The following NFATC1 variants were observed in gnomAD, a reference collection of about 807,000 sequenced individuals.
NFATC1 encodes nuclear factor of activated T cells 1.
NFATC1 carries 22 observed loss-of-function variants against 76.0 expected under a neutral mutation model. The ratio of observed to expected loss-of-function variants is 0.29; its 90% confidence interval spans 0.21 to 0.41. The LOEUF (loss-of-function observed/expected upper bound fraction) is 0.41. Ranked by LOEUF, NFATC1 falls within the 10% of genes least tolerant of loss-of-function variation. NFATC1 has a pLI of 1.00. For synonymous variants in NFATC1, 704 were observed against 613.1 expected, an observed-to-expected ratio of 1.15 and a Z score of -2.19; for missense variants, 1,357 against 1,337.7, an observed-to-expected ratio of 1.01 and a Z score of -0.23.
intron 9 of NFATC1, among the ~76,000 whole-genome samples, chr18:79,512,925 G>A (rs761408393): frequency 6.6e-6 from 1 of 152,218 alleles, no homozygotes; most frequent in Non-Finnish European, 1.5e-5. Context: ...CGTCCTGACC[G>A]TAGGTCCGCA....
chr18:79,398,164 T>C lies in NFATC1; in HGVS notation c.127+1813T>C, dbSNP rs2085067502. Among the ~76,000 whole-genome samples, 4 of 152,312 alleles carry C rather than the reference T, an allele frequency of 2.6e-5. No homozygotes were observed. In the East Asian group the frequency reaches 7.7e-4, roughly 29 times the overall value. ...CTGGGTGGAAGCTCATTAGGCGTCG[T>C]GGTTCCTGAAGGCCCCGGGCTTGCT... On this transcript the variant is annotated intron_variant, in intron 1 of 9. Coordinates refer to ENST00000427363, the MANE Select transcript of NFATC1 (RefSeq NM_001278669.2).
At chr18:79,441,351 A>T (rs1030738238) in intron 3 of NFATC1, among the ~76,000 whole-genome samples, 3 of 151,442 alleles carry the variant, frequency 2.0e-5, no homozygotes, top group Non-Finnish European at 1.5e-5. Context: ...GGAGGTGCAC[A>T]TGGCTGCTGG....
intron 9 of NFATC1, among the ~76,000 whole-genome samples, chr18:79,500,534 G>A (rs1431708741): frequency 6.6e-6 from 1 of 151,902 alleles, no homozygotes; most frequent in Non-Finnish European, 1.5e-5. Flanking sequence ...GAAATGCTGA[G>A]GATGAGAAGA....
chr18:79,494,873 G>C (rs1268344235), intron 9 of NFATC1, among the ~76,000 whole-genome samples: 1 of 135,184 alleles, frequency 7.4e-6, no homozygotes, highest in East Asian at 2.2e-4. Flanking sequence ...GAAGGCGAGA[G>C]CGGGCACACG....
chr18:79,519,524 G>A (rs1306987031), intron 9 of NFATC1, among the ~76,000 whole-genome samples: 2 of 137,308 alleles, frequency 1.5e-5, no homozygotes, highest in African/African-American at 5.1e-5. Context: ...TGTAGAGATG[G>A]GGGGTGGTCT....
intron 7 of NFATC1, among the ~76,000 whole-genome samples, chr18:79,464,729 A>G (rs1394733889): frequency 9.4e-5 from 9 of 96,206 alleles, no homozygotes; most frequent in Middle Eastern, 5.1e-3. Context: ...TTTTTGAGAC[A>G]GGGTCTTGCT....
chr18:79,400,431 C>G, intron 1 of NFATC1: 2 of 1,496,052 alleles, frequency 1.3e-6, no homozygotes, highest in Non-Finnish European at 1.8e-6. Context: ...CTTCGAGTTC[C>G]TCTTCGAGTT....
intron 8 of NFATC1, 125 bp from the exon 9 acceptor site, chr18:79,486,123 G>T: frequency 1.2e-6 from 1 of 803,274 alleles, no homozygotes. Flanking sequence ...GGGAGAACCA[G>T]GCAGGAGACA....
chr18:79,399,443 A>G (rs117289643), intron 1 of NFATC1, among the ~76,000 whole-genome samples: 3,625 of 152,316 alleles, frequency 0.024, 44 homozygotes, highest in African/African-American at 0.042. Context: ...CTCCGCCCTC[A>G]GACTCCCACC....
chr18:79,411,438 C>A lies in NFATC1; in HGVS notation c.1163C>A (p.Ala388Glu), dbSNP rs199736877. ...GGCGGCTTCTGCGACCAGTACCTGG[C>A]GGTGCCGCAGCACCCCTACCAGTGG... ...RKGGFCDQYL[A>E]VPQHPYQWAK... The change falls in exon 2 of 10, where the codon GCG (alanine) becomes GAG (glutamate). Residue 388 changes from alanine (A) to glutamate (E), a missense_variant. This residue lies in a region of NFATC1 where 691 missense variants were observed against 613.1 expected (regional missense o/e 1.13). Coordinates refer to ENST00000427363, the MANE Select transcript of NFATC1 (RefSeq NM_001278669.2). 4.7e-5 allele frequency: 71 copies of A among 1,517,394 alleles called. No homozygotes were observed. The highest frequency in any genetic ancestry group is 5.6e-5 in the Non-Finnish European group (64 of 1,134,854). The allele number at this position is 1,517,394 out of a possible 1,614,324, so 94.0% of individuals were successfully genotyped here.
At chr18:79,485,314 G>A (rs938852455) in intron 8 of NFATC1, among the ~76,000 whole-genome samples, 1 of 152,238 alleles carries the variant, frequency 6.6e-6, no homozygotes, top group East Asian at 1.9e-4. Context: ...ATGTATGTGC[G>A]CCATTGTGAG....
intron 8 of NFATC1, among the ~76,000 whole-genome samples, chr18:79,472,298 G>C (rs914222835): frequency 1.2e-4 from 18 of 152,184 alleles, no homozygotes; most frequent in African/African-American, 4.1e-4. Context: ...GCGTGGCCCA[G>C]GCCCTCAGTA....
intron 9 of NFATC1, among the ~76,000 whole-genome samples, chr18:79,491,901 G>A (rs1210697892): frequency 3.0e-4 from 45 of 150,704 alleles, no homozygotes; most frequent in Non-Finnish European, 4.4e-5. Flanking sequence ...AGAGCTGTGG[G>A]TCCATGAATT....
chr18:79,406,864 G>A lies in NFATC1; in HGVS notation c.128-3539G>A, dbSNP rs28738777. On this transcript the variant is annotated intron_variant, in intron 1 of 9. Coordinates refer to ENST00000427363, the MANE Select transcript of NFATC1 (RefSeq NM_001278669.2). ...GCCGCAGAGCCAGCCACGGCTCCGC[G>A]GGTCTTCCGCAGCGCTCCATGCGGG... 1.3e-3 allele frequency among the ~76,000 whole-genome samples: 195 copies of A among 151,928 alleles called. 1 individual carries two copies. The highest frequency in any genetic ancestry group is 4.4e-3 in the African/African-American group (181 of 41,492).
chr18:79,425,637 G>A (rs899794015), intron 2 of NFATC1, among the ~76,000 whole-genome samples: 1 of 152,166 alleles, frequency 6.6e-6, no homozygotes, highest in African/African-American at 2.4e-5. Flanking sequence ...CCGAGGGCGC[G>A]ATTCCGGGAT....
rs769457388 is a variant in NFATC1, at chr18:79,400,049, C to G, written c.127+3698C>G. On this transcript the variant is annotated intron_variant, in intron 1 of 9. Transcript: ENST00000427363. ...TGGTGCCGCTCGTGGGGTCCCGACGCCCCTACCCCCGGGTCCGGAGGAGCC... is the reference window on the plus strand; with the variant it reads ...TGGTGCCGCTCGTGGGGTCCCGACGGCCCTACCCCCGGGTCCGGAGGAGCC... Among the ~76,000 whole-genome samples, 480 of 152,032 alleles carry G rather than the reference C, an allele frequency of 3.2e-3. 3 individuals carry two copies. Among genetic ancestry groups the G allele is most frequent in the Non-Finnish European group, 4.4e-3 (296 of 67,878 alleles).
In NFATC1 at chr18:79,410,385, G is replaced by C; in HGVS notation, c.128-18G>C. On this transcript the variant is annotated intron_variant, in intron 1 of 9. Transcript: ENST00000427363. This position sits in a 1 kb window ranked among gnomAD's most constrained non-coding sequence, Gnocchi z 6.7. Reference sequence around the variant, plus strand: ...TGCCCAGCCCCTCATGCTCCCATCTGCTTCTTTTTCTCTCTAGAACACTAT... The same window carrying C: ...TGCCCAGCCCCTCATGCTCCCATCTCCTTCTTTTTCTCTCTAGAACACTAT... The C allele has an allele frequency of 3.8e-6, 6 of 1,587,386 alleles. No individual in the cohort carries two copies. The highest frequency in any genetic ancestry group is 5.1e-6 in the Non-Finnish European group (6 of 1,166,910).
chr18:79,416,040 C>T (rs546455931), intron 2 of NFATC1, among the ~76,000 whole-genome samples: 31 of 152,286 alleles, frequency 2.0e-4, no homozygotes, highest in African/African-American at 7.5e-4. Context: ...CCAGCCTGGG[C>T]GAGAGGAGCG....
intron 6 of NFATC1, among the ~76,000 whole-genome samples, chr18:79,457,118 G>A (rs573839360): frequency 2.0e-5 from 3 of 152,374 alleles, no homozygotes; most frequent in Admixed American, 2.0e-4. Flanking sequence ...AGAGAGGAGA[G>A]TTGGGGCTGC....
Sources: allele counts gnomAD v4.1 joint callset (sites outside exome capture counted in the v4.1 genomes callset), GRCh38; gene constraint gnomAD v4.1.1; regional missense constraint gnomAD v4.1.1; non-coding constraint Gnocchi (gnomAD v3.1); transcripts MANE v1.5; gene names NCBI Gene and HGNC (gene_info 2026-07-23, HGNC 2026-07-21).